The following CERT1 variants were observed in gnomAD, a reference collection of about 807,000 sequenced individuals.
CERT1 encodes ceramide transporter 1.
CERT1 carries 31 observed loss-of-function variants against 87.9 expected under a neutral mutation model. The observed-to-expected ratio is 0.35, with a 90% CI of 0.27 to 0.48. The LOEUF (loss-of-function observed/expected upper bound fraction) is 0.48, where lower values mean the gene tolerates loss of function less well. CERT1 is among the 20% of genes least tolerant of loss of function. The pLI is 0.99. For missense variants in CERT1, 487 were observed against 758.0 expected (o/e 0.64, Z 4.20); for synonymous variants, 289 against 250.9 (o/e 1.15, Z -1.44).
chr5:75,413,406 A>G (rs1763010138), intron 7 of CERT1, among the ~76,000 whole-genome samples: 1 of 152,242 alleles, frequency 6.6e-6, no homozygotes, highest in Non-Finnish European at 1.5e-5. Flanking sequence ...AGATTTCATT[A>G]ATTGATTTTT....
At chr5:75,461,833 A>C (rs1362568808) in intron 2 of CERT1, among the ~76,000 whole-genome samples, 1 of 151,724 alleles carries the variant, frequency 6.6e-6, no homozygotes. Context: ...AAAAAAAAAA[A>C]AAAACGAGAG....
intron 1 of CERT1, among the ~76,000 whole-genome samples, chr5:75,509,684 T>C (rs1767826752): frequency 6.6e-6 from 1 of 151,922 alleles, no homozygotes; most frequent in African/African-American, 2.4e-5. Context: ...TTTCGTAAAA[T>C]ACTTAACACA....
rs1761765226 is a variant in CERT1 at position 75,385,886 on chromosome 5, AAT to A, written c.1417+14_1417+15del. 1 of 1,453,600 alleles carries A rather than the reference AAT, an allele frequency of 6.9e-7. No homozygotes were observed. Among genetic ancestry groups the A allele is most frequent in the African/African-American group, 1.5e-5 (1 of 68,812 alleles). 90.0% of individuals were successfully genotyped at this position (1,453,600 alleles called of 1,614,324 possible). On this transcript the variant is annotated intron_variant, in intron 13 of 16. Transcript: ENST00000643780. ...TCAAAATAATAGATTAAAATATATTAATAATGACAGCTTACTTTCCCAGTCAT... is the reference window on the plus strand; with the variant it reads ...TCAAAATAATAGATTAAAATATATTAAATGACAGCTTACTTTCCCAGTCAT...
At position 75,511,173 on chromosome 5, in the gene CERT1, G is replaced by A; in HGVS notation, c.35C>T (p.Ser12Leu). 6.2e-7 allele frequency: 1 copy of A among 1,612,400 alleles called. No individual in the cohort carries two copies. Residue 12 changes from serine to leucine, a missense_variant, in exon 1 of 17, where the codon TCG becomes TTG. Physicochemically the swap from Ser to Leu is moderately radical, Grantham distance 145. This residue lies in a region of CERT1 where 173 missense variants were observed against 302.2 expected (regional missense o/e 0.57). Coordinates refer to ENST00000643780, the MANE Select transcript of CERT1 (RefSeq NM_001379029.1). ...SDNQSWNSSG[S>L]EEDPETESGP... ...AGACTCCGTCTCTGGATCCTCCTCC[G>A]AGCCCGACGAGTTCCAGCTCTGATT...
chr5:75,395,732 T>C (rs1388793166), intron 11 of CERT1, among the ~76,000 whole-genome samples: 1 of 151,702 alleles, frequency 6.6e-6, no homozygotes, highest in East Asian at 1.9e-4. Flanking sequence ...TGTGATAGCG[T>C]GTGCCTGTAA....
chr5:75,446,807 G>A (rs1490464500), intron 3 of CERT1, among the ~76,000 whole-genome samples: 2 of 152,154 alleles, frequency 1.3e-5, no homozygotes, highest in Non-Finnish European at 2.9e-5. Context: ...TTGTGTATAT[G>A]CAGTTGTTTA....
chr5:75,396,602 G>A (rs1762263747), intron 11 of CERT1, among the ~76,000 whole-genome samples: 1 of 151,824 alleles, frequency 6.6e-6, no homozygotes, highest in South Asian at 2.1e-4. Flanking sequence ...GGTGGCAGGT[G>A]CCTGTAATCC....
rs200015377 is a variant in CERT1, at chr5:75,390,968, A to T, written c.1189-1281T>A. Among the ~76,000 whole-genome samples the T allele has an allele frequency of 1.0e-3, 145 of 142,738 alleles. 7 individuals carry two copies. In the East Asian group the frequency reaches 0.028, roughly 28 times the overall value. The allele number at this position is 142,738 out of a possible 152,430, so 93.6% of individuals were successfully genotyped here. A position where few individuals can be genotyped will look rare whatever the true frequency, so the allele number is the denominator to read the frequency against. Reference sequence around the variant, plus strand: ...ATATGCCTGTGCCACCATGCCTAACATTTTTTTTTTTTTAAGAGACACGGT... The same window carrying T: ...ATATGCCTGTGCCACCATGCCTAACTTTTTTTTTTTTTTAAGAGACACGGT... On this transcript the variant is annotated intron_variant, in intron 11 of 16. Transcript: ENST00000643780.
intron 3 of CERT1, among the ~76,000 whole-genome samples, chr5:75,458,497 G>A (rs1308647053): frequency 1.3e-5 from 2 of 151,840 alleles, no homozygotes; most frequent in African/African-American, 4.8e-5. Context: ...ATAAAAAATC[G>A]AAATGTGTTT....
intron 2 of CERT1, among the ~76,000 whole-genome samples, chr5:75,489,708 T>C (rs951469707): frequency 1.3e-5 from 2 of 152,194 alleles, no homozygotes; most frequent in African/African-American, 4.8e-5. Flanking sequence ...CCAGTTAGAA[T>C]GGAGATCATT....
intron 7 of CERT1, among the ~76,000 whole-genome samples, chr5:75,414,977 A>G (rs1442904828): frequency 2.6e-5 from 4 of 152,102 alleles, no homozygotes; most frequent in African/African-American, 9.7e-5. Flanking sequence ...TGAAAGACGT[A>G]TTTGTTGATA....
intron 10 of CERT1, among the ~76,000 whole-genome samples, chr5:75,399,861 G>A (rs1762398752): frequency 6.6e-6 from 1 of 152,180 alleles, no homozygotes; most frequent in Non-Finnish European, 1.5e-5. Flanking sequence ...ATTTCCGGCT[G>A]GGCATGGTGG....
At chr5:75,400,394 G>A (rs1762421408) in intron 9 of CERT1, 97 bp from the exon 10 acceptor site, 4 of 803,022 alleles carry the variant, frequency 5.0e-6, no homozygotes, top group Non-Finnish European at 8.2e-6. Context: ...CATTCACTTA[G>A]TGAACGCCTT....
chr5:75,412,793 T>C (rs1762982338), intron 7 of CERT1, among the ~76,000 whole-genome samples: 4 of 152,184 alleles, frequency 2.6e-5, no homozygotes, highest in Non-Finnish European at 1.5e-5. Context: ...TTGAAGTTCC[T>C]CAGGGTGAGT....
chr5:75,485,293 C>T (rs866672026), intron 2 of CERT1, among the ~76,000 whole-genome samples: 19 of 86,292 alleles, frequency 2.2e-4, no homozygotes, highest in African/African-American at 9.2e-4. Flanking sequence ...TAAACCAAGA[C>T]ACTGTCTACA....
chr5:75,471,771 A>AAAAAG (rs1420798996), intron 2 of CERT1, among the ~76,000 whole-genome samples: 1 of 151,462 alleles, frequency 6.6e-6, no homozygotes, highest in African/African-American at 2.4e-5. Context: ...AAAAAAAAAA[A>AAAAAG]AAAAGAAAAG....
chr5:75,475,694 C>T (rs774015157), intron 2 of CERT1, among the ~76,000 whole-genome samples: 1 of 150,386 alleles, frequency 6.6e-6, no homozygotes, highest in African/African-American at 2.5e-5. Context: ...TTAATATTAG[C>T]CTTTTTTTTT....
chr5:75,508,017 A>G (rs992260778), intron 1 of CERT1, among the ~76,000 whole-genome samples: 13 of 152,046 alleles, frequency 8.6e-5, no homozygotes, highest in African/African-American at 3.1e-4. Flanking sequence ...TGTTTTTTTC[A>G]TAATTTACAC....
In CERT1 at chr5:75,419,442, A is replaced by C; in HGVS notation, c.596-18T>G. On this transcript the variant is annotated intron_variant, in intron 5 of 16. Coordinates refer to ENST00000643780, the MANE Select transcript of CERT1 (RefSeq NM_001379029.1). Reference sequence around the variant, plus strand: ...TTCTACCACTAAATAAAATATATTTAAGGAAATTAGGATGAAAAGAAATAG... The same window carrying C: ...TTCTACCACTAAATAAAATATATTTCAGGAAATTAGGATGAAAAGAAATAG... The C allele has an allele frequency of 6.6e-7, 1 of 1,518,986 alleles. No individual in the cohort carries two copies. The highest frequency in any genetic ancestry group is 9.1e-7 in the Non-Finnish European group (1 of 1,097,418). 94.1% of individuals were successfully genotyped at this position (1,518,986 alleles called of 1,614,324 possible).
Sources: gnomAD v4.1 joint callset for allele counts (sites outside exome capture counted in the v4.1 genomes callset) on GRCh38, gnomAD v4.1.1 for gene constraint, gnomAD v4.1.1 regional missense constraint, MANE v1.5 for transcripts, NCBI Gene and HGNC (gene_info 2026-07-23, HGNC 2026-07-21) for gene names.